KCNIP4: variants seen among roughly 807,000 people sequenced by gnomAD.
KCNIP4 encodes potassium voltage-gated channel interacting protein 4, also known as Kv channel-interacting protein 4.
A neutral mutation model predicts 34.0 loss-of-function variants in KCNIP4; 12 were observed. The ratio of observed to expected loss-of-function variants is 0.35; its 90% CI spans 0.23 to 0.57. KCNIP4 has a LOEUF of 0.57. Ranked by LOEUF, KCNIP4 falls within the 20% of genes least tolerant of loss-of-function variation. The probability of loss-of-function intolerance (pLI) is 0.83; values close to 1 mark genes in which losing one functional copy is unlikely to be tolerated. For synonymous variants in KCNIP4, 124 were observed against 102.2 expected, an observed-to-expected ratio of 1.21 and a Z score of -1.29; for missense variants, 238 against 311.7, an observed-to-expected ratio of 0.76 and a Z score of 1.78.
At chr4:20,881,571 T>G (rs556089917) in intron 2 of KCNIP4, among the ~76,000 whole-genome samples, 1 of 152,200 alleles carries the variant, frequency 6.6e-6, no homozygotes, top group Non-Finnish European at 1.5e-5. Flanking sequence ...CAATGTATAT[T>G]CTAAGTTATA....
chr4:21,121,065 A>C (rs975008172), intron 1 of KCNIP4, among the ~76,000 whole-genome samples: 4 of 152,224 alleles, frequency 2.6e-5, no homozygotes, highest in African/African-American at 9.6e-5. Context: ...CGAAGAATAC[A>C]TAAGCCATCT....
At chr4:21,202,227 A>G (rs1327462398) in intron 1 of KCNIP4, among the ~76,000 whole-genome samples, 2 of 152,232 alleles carry the variant, frequency 1.3e-5, no homozygotes, top group Non-Finnish European at 2.9e-5. Flanking sequence ...GGATGTATAC[A>G]CCATGGAATA....
chr4:21,772,458 T>C (rs1451615173), intron 1 of KCNIP4, among the ~76,000 whole-genome samples: 2 of 151,910 alleles, frequency 1.3e-5, no homozygotes, highest in Non-Finnish European at 2.9e-5. Flanking sequence ...CAGGGAGGAG[T>C]CTCTCCTGTT....
intron 1 of KCNIP4, among the ~76,000 whole-genome samples, chr4:21,064,270 A>C: frequency 6.6e-6 from 1 of 152,134 alleles, no homozygotes; most frequent in East Asian, 1.9e-4. Flanking sequence ...GCTTTGGAAA[A>C]AGAAATGTCT....
At chr4:21,850,801 C>T (rs938776575) in intron 1 of KCNIP4, 1 of 152,064 alleles carries the variant, frequency 6.6e-6, no homozygotes, top group Non-Finnish European at 1.5e-5. Context: ...AGCTCACTGA[C>T]TCCACGCTCA....
intron 3 of KCNIP4, among the ~76,000 whole-genome samples, chr4:20,765,433 G>T (rs925666914): frequency 2.0e-5 from 3 of 152,142 alleles, no homozygotes; most frequent in African/African-American, 7.2e-5. Flanking sequence ...TCAAAATTGG[G>T]ATCACCGATT....
At chr4:21,381,758 A>G (rs1721528328) in intron 1 of KCNIP4, among the ~76,000 whole-genome samples, 1 of 152,212 alleles carries the variant, frequency 6.6e-6, no homozygotes, top group South Asian at 2.1e-4. Context: ...TTACCAAGGA[A>G]TAAATTAATG....
chr4:21,931,209 T>C (rs910086635), intron 1 of KCNIP4, among the ~76,000 whole-genome samples: 1 of 150,976 alleles, frequency 6.6e-6, no homozygotes, highest in Non-Finnish European at 1.5e-5. Context: ...GCACCTACAA[T>C]AGGAGCTTTA....
At chr4:21,478,663 A>G (rs528200024) in intron 1 of KCNIP4, among the ~76,000 whole-genome samples, 2 of 152,286 alleles carry the variant, frequency 1.3e-5, no homozygotes, top group South Asian at 4.1e-4. Flanking sequence ...ATAATGTCTC[A>G]TTCCCTTTTA....
chr4:20,998,793 C>A (rs1282433565), intron 1 of KCNIP4, among the ~76,000 whole-genome samples: 1 of 152,224 alleles, frequency 6.6e-6, no homozygotes, highest in Non-Finnish European at 1.5e-5. Context: ...GACTCAATGT[C>A]TTGACACCAG....
chr4:21,235,427 C>T (rs1490146984), intron 1 of KCNIP4, among the ~76,000 whole-genome samples: 1 of 152,034 alleles, frequency 6.6e-6, no homozygotes. Context: ...AAACATTTGG[C>T]GAGTGCTTCT....
At chr4:21,854,135 T>C (rs1312942621) in intron 1 of KCNIP4, among the ~76,000 whole-genome samples, 1 of 152,104 alleles carries the variant, frequency 6.6e-6, no homozygotes, top group Non-Finnish European at 1.5e-5. Flanking sequence ...TGCCCACATA[T>C]AACCATCACC....
rs1560662163 is a variant in KCNIP4 at position 21,032,110 on chromosome 4, T to C, written c.62-149401A>G. ...GGAATGACAGGAAAATTTCAAACATTGCTTGTATCCTCTGTGTAACTGTCC... is the reference window on the plus strand; with the variant it reads ...GGAATGACAGGAAAATTTCAAACATCGCTTGTATCCTCTGTGTAACTGTCC... On this transcript the variant is annotated intron_variant, in intron 1 of 8. Coordinates refer to ENST00000382152, the MANE Select transcript of KCNIP4 (RefSeq NM_025221.6). Among the ~76,000 whole-genome samples, 3 of 152,152 alleles carry C rather than the reference T, an allele frequency of 2.0e-5. No individual in the cohort carries two copies. The South Asian group carries it at 6.2e-4, about 32-fold the overall frequency.
intron 1 of KCNIP4, among the ~76,000 whole-genome samples, chr4:21,240,378 T>C (rs1759720561): frequency 6.6e-6 from 1 of 151,708 alleles, no homozygotes; most frequent in South Asian, 2.1e-4. Context: ...AGTATAATAA[T>C]AATAAAATGA....
At chr4:21,547,010 A>T (rs1455423101) in intron 1 of KCNIP4, among the ~76,000 whole-genome samples, 1 of 152,188 alleles carries the variant, frequency 6.6e-6, no homozygotes, top group Non-Finnish European at 1.5e-5. Flanking sequence ...CCACGGAAAA[A>T]AATATTTCCT....
intron 1 of KCNIP4, among the ~76,000 whole-genome samples, chr4:21,252,623 T>TA (rs976213571): frequency 1.3e-5 from 2 of 151,754 alleles, no homozygotes; most frequent in Non-Finnish European, 2.9e-5. Flanking sequence ...CTAAAAATAA[T>TA]AAAAAAAGAA....
intron 1 of KCNIP4, among the ~76,000 whole-genome samples, chr4:21,266,465 T>C (rs896613184): frequency 6.6e-6 from 1 of 152,182 alleles, no homozygotes; most frequent in Non-Finnish European, 1.5e-5. Context: ...CAGTTACCTG[T>C]TAACAGAAAG....
intron 1 of KCNIP4, among the ~76,000 whole-genome samples, chr4:21,553,957 A>G (rs928719964): frequency 6.6e-6 from 1 of 152,132 alleles, no homozygotes; most frequent in African/African-American, 2.4e-5. Context: ...AGAGTGACAT[A>G]TCTTTCAGTG....
intron 1 of KCNIP4, among the ~76,000 whole-genome samples, chr4:21,620,229 G>A (rs558811169): frequency 2.6e-4 from 39 of 152,256 alleles, no homozygotes; most frequent in Middle Eastern, 3.4e-3. Context: ...GTGGCCAGGC[G>A]TGGTGGCTCA....
Sources: allele counts gnomAD v4.1 joint callset (sites outside exome capture counted in the v4.1 genomes callset), GRCh38; gene constraint gnomAD v4.1.1; transcripts MANE v1.5; gene names NCBI Gene and HGNC (gene_info 2026-07-23, HGNC 2026-07-21).